FAM135B: variants seen among roughly 807,000 people sequenced by gnomAD.
FAM135B encodes protein FAM135B.
Under a neutral mutation model 127.7 loss-of-function variants are expected in FAM135B, and 43 were observed. That is an observed-to-expected ratio of 0.34 (90% confidence interval 0.26 to 0.43). The LOEUF is 0.43. Among genes scored for constraint, FAM135B ranks in the 20% least tolerant of loss-of-function variants. FAM135B has a pLI of 1.00. For synonymous variants in FAM135B, 670 were observed against 665.1 expected (o/e 1.01, Z -0.11); for missense variants, 1,558 against 1,725.6 (o/e 0.90, Z 1.72).
chr8:138,243,337 T>C lies in FAM135B; in HGVS notation c.543-269A>G, dbSNP rs1167622357. ...CCACCCTAAATGCCAACAACATACC[T>C]GTAAGAAACACTGAAGCAGAGCTCC... is the stretch of plus-strand genomic sequence containing the variant. On this transcript the variant is annotated intron_variant, in intron 6 of 19. Transcript: ENST00000395297. The surrounding 1 kb of genome is among the most constrained non-coding windows in gnomAD (Gnocchi z 7.5). Among the ~76,000 whole-genome samples, 2 of 152,148 alleles carry C rather than the reference T, an allele frequency of 1.3e-5. No individual in the cohort carries two copies. Among genetic ancestry groups the C allele is most frequent in the African/African-American group, 4.8e-5 (2 of 41,438 alleles).
intron 1 of FAM135B, among the ~76,000 whole-genome samples, chr8:138,471,740 G>C (rs971966765): frequency 6.6e-6 from 1 of 152,050 alleles, no homozygotes; most frequent in African/African-American, 2.4e-5. Flanking sequence ...AGAACACCTG[G>C]GATTTGCATT....
At chr8:138,344,438 C>T (rs1057423259) in intron 2 of FAM135B, among the ~76,000 whole-genome samples, 2 of 152,132 alleles carry the variant, frequency 1.3e-5, no homozygotes, top group Non-Finnish European at 2.9e-5. Context: ...ACTGCCCTTC[C>T]TTTGGCCTTT....
At chr8:138,233,203 C>G (rs557345722) in intron 7 of FAM135B, among the ~76,000 whole-genome samples, 1 of 152,154 alleles carries the variant, frequency 6.6e-6, no homozygotes, top group Admixed American at 6.5e-5. Context: ...GTAATTAAAA[C>G]AGTATGGTAA....
chr8:138,282,086 T>C lies in FAM135B; in HGVS notation c.158-16244A>G, dbSNP rs138212802. Among the ~76,000 whole-genome samples the C allele has an allele frequency of 3.8e-3, 574 of 152,372 alleles. 6 individuals carry two copies. The highest frequency in any genetic ancestry group is 0.013 in the African/African-American group (533 of 41,586). ...AAATGACATCTAGGACATAGCCGCTTAATGAAAATTATGTCTCTAAAACAG... is the reference window on the plus strand; with the variant it reads ...AAATGACATCTAGGACATAGCCGCTCAATGAAAATTATGTCTCTAAAACAG... On this transcript the variant is annotated intron_variant, in intron 3 of 19. Transcript: ENST00000395297.
intron 1 of FAM135B, among the ~76,000 whole-genome samples, chr8:138,486,244 G>A (rs1814980265): frequency 6.6e-6 from 1 of 152,008 alleles, no homozygotes; most frequent in African/African-American, 2.4e-5. Context: ...CAAAGTTTCA[G>A]GAGACATTTT....
chr8:138,190,558 C>T (rs189512843), intron 9 of FAM135B, among the ~76,000 whole-genome samples: 2 of 152,190 alleles, frequency 1.3e-5, no homozygotes, highest in African/African-American at 4.8e-5. Context: ...TGCAAAGCTG[C>T]GTCTTTAAGC....
In FAM135B at chr8:138,197,595, G is replaced by A. The variant is rs372056943; in HGVS notation, c.744C>T (p.Leu248=). Residue 248 remains leucine (L), a synonymous_variant, in exon 8 of 20, where the codon CTC becomes CTT. Coordinates refer to ENST00000395297, the MANE Select transcript of FAM135B (RefSeq NM_015912.4). The stretch of plus-strand genomic sequence containing the variant: ...GACGGAGACCCCGGTAAGCGTGGAG[G>A]AGCAACAGGCACAGGTCTCGGTGCC... ...HKWHRDLCLL[L]LHAYRGLRLH... 1.5e-4 allele frequency: 245 copies of A among 1,614,042 alleles called. No individual in the cohort carries two copies. Among genetic ancestry groups the A allele is most frequent in the Non-Finnish European group, 2.0e-4 (237 of 1,180,038 alleles).
Position 138,130,242 on chromosome 8 carries a change from A to G in FAM135B, c.*2351T>C, listed in dbSNP as rs989602083. 1 of 150,956 alleles carries G rather than the reference A, an allele frequency of 6.6e-6. No homozygotes were observed. Among genetic ancestry groups the G allele is most frequent in the Non-Finnish European group, 1.5e-5 (1 of 67,802 alleles). 9.4% of individuals were successfully genotyped at this position (150,956 alleles called of 1,614,324 possible). On this transcript the variant is annotated 3_prime_UTR_variant, in exon 20 of 20. Coordinates refer to ENST00000395297, the MANE Select transcript of FAM135B (RefSeq NM_015912.4). ...ATATATATTTATATATTCGATATCT[A>G]TATTTCAATAGAAAGAGACATAAAA...
chr8:138,353,397 G>C (rs1316563856), intron 2 of FAM135B, among the ~76,000 whole-genome samples: 1 of 152,066 alleles, frequency 6.6e-6, no homozygotes, highest in Non-Finnish European at 1.5e-5. Context: ...TTATACCCTT[G>C]ATTCCTCTGC....
chr8:138,363,387 G>T (rs907855073), intron 2 of FAM135B, among the ~76,000 whole-genome samples: 1 of 152,114 alleles, frequency 6.6e-6, no homozygotes, highest in Non-Finnish European at 1.5e-5. Context: ...TTGGGTTGGG[G>T]GAAGTTTCCA....
At position 138,142,790 on chromosome 8, in the gene FAM135B, G is replaced by C; in HGVS notation, c.3638+222C>G. 3 of 449,376 alleles carry C rather than the reference G, an allele frequency of 6.7e-6. No homozygotes were observed. The South Asian group carries it at 1.0e-4, about 16-fold the overall frequency. The allele number at this position is 449,376 out of a possible 1,614,324, so 27.8% of individuals were successfully genotyped here. Reference sequence around the variant, plus strand: ...TTTTAAGTCCAAGACTCTTTCTACAGAACTACAAAATTTTTATTCTCCCTG... The same window carrying C: ...TTTTAAGTCCAAGACTCTTTCTACACAACTACAAAATTTTTATTCTCCCTG... On this transcript the variant is annotated intron_variant, in intron 16 of 19. Transcript: ENST00000395297.
intron 19 of FAM135B, among the ~76,000 whole-genome samples, chr8:138,135,983 G>T (rs1458831257): frequency 6.6e-6 from 1 of 152,010 alleles, no homozygotes; most frequent in East Asian, 1.9e-4. Flanking sequence ...AGTGATAGAG[G>T]TGGAGTTAGA....
chr8:138,481,133 A>G (rs1814763544), intron 1 of FAM135B, among the ~76,000 whole-genome samples: 1 of 152,240 alleles, frequency 6.6e-6, no homozygotes, highest in Admixed American at 6.5e-5. Context: ...CAGCATCCGC[A>G]GCACACAGGA....
chr8:138,210,396 T>G (rs1027201029), intron 7 of FAM135B, among the ~76,000 whole-genome samples: 3 of 152,142 alleles, frequency 2.0e-5, no homozygotes, highest in African/African-American at 7.2e-5. Flanking sequence ...TAGTTCGTTC[T>G]TGCATTGCTA....
chr8:138,426,589 T>G (rs2131486089), intron 1 of FAM135B, among the ~76,000 whole-genome samples: 1 of 151,560 alleles, frequency 6.6e-6, no homozygotes, highest in African/African-American at 2.4e-5. Context: ...ATTATCATTT[T>G]TATCATAATC....
chr8:138,377,543 C>T (rs75343344), intron 1 of FAM135B, among the ~76,000 whole-genome samples: 5,759 of 152,246 alleles, frequency 0.038, 201 homozygotes, highest in East Asian at 0.17. Context: ...GGACCAAACT[C>T]CCTTTCATAA....
chr8:138,151,448 G>A lies in FAM135B; in HGVS notation c.3027C>T (p.Ile1009=), dbSNP rs760676607. 57 of 1,614,132 alleles carry A rather than the reference G, an allele frequency of 3.5e-5. No individual in the cohort carries two copies. Among genetic ancestry groups the A allele is most frequent in the Non-Finnish European group, 4.5e-5 (53 of 1,180,052 alleles). Reference sequence around the variant, plus strand: ...CTGCAGAAGTCAGATGGGACCCCATGATGGAAGTGCCTGCCTTCAGCTCTT... The same window carrying A: ...CTGCAGAAGTCAGATGGGACCCCATAATGGAAGTGCCTGCCTTCAGCTCTT... ...KNQELKAGTS[I]MGSHLTSAET... is the part of the protein sequence containing the mutation. Residue 1009 remains isoleucine, a synonymous_variant, in exon 13 of 20, where the codon ATC becomes ATT. Coordinates refer to ENST00000395297, the MANE Select transcript of FAM135B (RefSeq NM_015912.4).
At chr8:138,227,160 C>T (rs1819521846) in intron 7 of FAM135B, among the ~76,000 whole-genome samples, 1 of 152,228 alleles carries the variant, frequency 6.6e-6, no homozygotes, top group Non-Finnish European at 1.5e-5. Context: ...GGCAGCTAAT[C>T]CCTAGGATGT....
At chr8:138,277,037 G>T (rs562721919) in intron 3 of FAM135B, among the ~76,000 whole-genome samples, 1 of 152,194 alleles carries the variant, frequency 6.6e-6, no homozygotes, top group Admixed American at 6.5e-5. Context: ...TGGTTAAAAT[G>T]AGCAAGGTAT....
Sources: allele counts gnomAD v4.1 joint callset (sites outside exome capture counted in the v4.1 genomes callset), GRCh38; gene constraint gnomAD v4.1.1; non-coding constraint Gnocchi (gnomAD v3.1); transcripts MANE v1.5; gene names NCBI Gene and HGNC (gene_info 2026-07-23, HGNC 2026-07-21).